BCAS3: variants seen among roughly 807,000 people sequenced by gnomAD.
The protein encoded by BCAS3 is BCAS4/BCAS3 fusion.
BCAS3 carries 53 observed loss-of-function variants against 116.1 expected under a neutral mutation model. The observed-to-expected ratio is 0.46, with a 90% CI of 0.37 to 0.57. The LOEUF (loss-of-function observed/expected upper bound fraction) is 0.57. Among genes scored for constraint, BCAS3 ranks in the 20% least tolerant of loss-of-function variants. The pLI is 0.00. For missense variants in BCAS3, 917 were observed against 1,165.4 expected (o/e 0.79, Z 3.10); for synonymous variants, 391 against 408.2 (o/e 0.96, Z 0.51).
chr17:60,713,719 A>G (rs2038205341), intron 5 of BCAS3, among the ~76,000 whole-genome samples: 2 of 152,246 alleles, frequency 1.3e-5, no homozygotes, highest in African/African-American at 4.8e-5. Context: ...ATATGCAAAT[A>G]CTATGCCATT....
chr17:60,845,785 CTTT>C lies in BCAS3; in HGVS notation c.477-22780_477-22778del, dbSNP rs199827244. 1.1e-3 allele frequency among the ~76,000 whole-genome samples: 165 copies of C among 144,836 alleles called. 1 individual carries two copies. Among genetic ancestry groups the C allele is most frequent in the African/African-American group, 3.9e-3 (153 of 39,610 alleles). On this transcript the variant is annotated intron_variant, in intron 7 of 23. Coordinates refer to ENST00000407086, the MANE Select transcript of BCAS3 (RefSeq NM_017679.5). Reference sequence around the variant, plus strand: ...CTTCTTTCTTTCTCTTTTCTTTTTCCTTTTTTTTTTTTTCTCTCTCTCTCTCTT... The same window carrying C: ...CTTCTTTCTTTCTCTTTTCTTTTTCCTTTTTTTTTTCTCTCTCTCTCTCTT...
chr17:60,747,124 A>C (rs1018010926), intron 5 of BCAS3, 74 bp from the exon 6 acceptor site: 4 of 973,568 alleles, frequency 4.1e-6, no homozygotes, highest in Non-Finnish European at 6.3e-6. Flanking sequence ...AAAATTTAGA[A>C]GATCTTGTTT....
intron 5 of BCAS3, among the ~76,000 whole-genome samples, chr17:60,728,098 C>T (rs1026118414): frequency 5.3e-5 from 8 of 152,000 alleles, no homozygotes; most frequent in African/African-American, 1.2e-4. Context: ...TGTGAGCCAC[C>T]GTACCCGGCC....
Position 61,034,880 on chromosome 17 carries a change from AC to A in BCAS3, c.1762+93del. On this transcript the variant is annotated intron_variant, in intron 17 of 23. Transcript: ENST00000407086. This position sits in a 1 kb window ranked among gnomAD's most constrained non-coding sequence, Gnocchi z 5.0. ...AGCAGTTTCCCTAGAATAATCTTGT[AC>A]CCAGTAGTCTGGAAACCAATTTTTT... 1 of 1,317,200 alleles carries A rather than the reference AC, an allele frequency of 7.6e-7. No individual in the cohort carries two copies. Among genetic ancestry groups the A allele is most frequent in the Non-Finnish European group, 1.0e-6 (1 of 963,596 alleles). 81.6% of individuals were successfully genotyped at this position (1,317,200 alleles called of 1,614,324 possible). A position where few individuals can be genotyped will look rare whatever the true frequency, so the allele number is the denominator to read the frequency against.
chr17:60,754,635 T>G (rs746445903), intron 6 of BCAS3, among the ~76,000 whole-genome samples: 39 of 152,026 alleles, frequency 2.6e-4, no homozygotes, highest in Non-Finnish European at 5.3e-4. Context: ...GACAATCATT[T>G]TGGCCTTGAA....
intron 14 of BCAS3, among the ~76,000 whole-genome samples, chr17:60,987,296 T>C (rs1454225744): frequency 6.6e-6 from 1 of 151,786 alleles, no homozygotes; most frequent in Non-Finnish European, 1.5e-5. Context: ...TTTTTTCTTT[T>C]TGCTCAGGAT....
intron 22 of BCAS3, among the ~76,000 whole-genome samples, chr17:61,263,066 T>C (rs914800368): frequency 1.3e-5 from 2 of 152,180 alleles, no homozygotes; most frequent in African/African-American, 4.8e-5. Context: ...CAGATGAACA[T>C]CCTAAGAAGT....
At chr17:60,752,976 C>T (rs1268465416) in intron 6 of BCAS3, among the ~76,000 whole-genome samples, 3 of 152,042 alleles carry the variant, frequency 2.0e-5, no homozygotes, top group Admixed American at 6.6e-5. Flanking sequence ...TCCTGAATAC[C>T]TAGGACTACA....
chr17:61,236,150 C>T (rs1568634306), intron 22 of BCAS3, among the ~76,000 whole-genome samples: 1 of 152,094 alleles, frequency 6.6e-6, no homozygotes, highest in Non-Finnish European at 1.5e-5. Context: ...CAGAAAAGTG[C>T]CAGCTATCAT....
At chr17:61,288,203 G>A (rs1363352647) in intron 22 of BCAS3, among the ~76,000 whole-genome samples, 2 of 152,222 alleles carry the variant, frequency 1.3e-5, no homozygotes, top group Non-Finnish European at 2.9e-5. Flanking sequence ...TACATGGGCT[G>A]TGGGGAGGGA....
intron 7 of BCAS3, among the ~76,000 whole-genome samples, chr17:60,809,713 G>T (rs574426193): frequency 1.3e-5 from 2 of 152,320 alleles, no homozygotes; most frequent in African/African-American, 4.8e-5. Context: ...GTTAGCTGAG[G>T]CTTCATGCAT....
In BCAS3 at chr17:60,999,043, C is replaced by G. The variant is rs2064037761; in HGVS notation, c.1486+8808C>G. Among the ~76,000 whole-genome samples the G allele has an allele frequency of 1.3e-5, 2 of 152,140 alleles. 1 individual carries two copies. Among genetic ancestry groups the G allele is most frequent in the South Asian group, 4.1e-4 (2 of 4,834 alleles). On this transcript the variant is annotated intron_variant, in intron 15 of 23. Coordinates refer to ENST00000407086, the MANE Select transcript of BCAS3 (RefSeq NM_017679.5). ...AATTCTTCTGTGTGTATATAGTTAG[C>G]CAGTTTCTCCACATCATTTATTGAA...
intron 22 of BCAS3, among the ~76,000 whole-genome samples, chr17:61,342,435 C>T (rs1364524312): frequency 1.3e-5 from 2 of 151,928 alleles, no homozygotes; most frequent in Non-Finnish European, 2.9e-5. Flanking sequence ...CATGAGCCAC[C>T]GTGCCCAGCC....
rs1431620369 is a variant in BCAS3, at chr17:60,868,548, ACATTTTTCTTT to A, written c.477-26_477-16del. The A allele has an allele frequency of 7.1e-7, 1 of 1,411,910 alleles. No individual in the cohort carries two copies. Among genetic ancestry groups the A allele is most frequent in the Non-Finnish European group, 9.6e-7 (1 of 1,045,122 alleles). 87.5% of individuals were successfully genotyped at this position (1,411,910 alleles called of 1,614,324 possible). A position where few individuals can be genotyped will look rare whatever the true frequency, so the allele number is the denominator to read the frequency against. ...TTGGTCTTTCTTTTTTAAAAAAATG[ACATTTTTCTTT>A]CTTTTTTCTTTTTTAGCACAAGCCC... On this transcript the variant is annotated splice_polypyrimidine_tract_variant and intron_variant, in intron 7 of 23. Coordinates refer to ENST00000407086, the MANE Select transcript of BCAS3 (RefSeq NM_017679.5).
intron 7 of BCAS3, among the ~76,000 whole-genome samples, chr17:60,837,241 G>A (rs181970894): frequency 9.8e-4 from 149 of 152,262 alleles, no homozygotes; most frequent in Non-Finnish European, 1.8e-3. Context: ...TGGCAAACTA[G>A]CTGTCCTAAA....
At chr17:60,939,015 A>T (rs1030925781) in intron 13 of BCAS3, among the ~76,000 whole-genome samples, 3 of 152,226 alleles carry the variant, frequency 2.0e-5, no homozygotes, top group African/African-American at 7.2e-5. Context: ...GCAGTTTCTT[A>T]TAAATATTTA....
chr17:60,805,851 G>GC (rs1346264176), intron 6 of BCAS3, among the ~76,000 whole-genome samples: 2 of 146,352 alleles, frequency 1.4e-5, no homozygotes, highest in African/African-American at 2.6e-5. Context: ...AAGTGACTCA[G>GC]CCTAAGTTTT....
chr17:60,901,466 A>T (rs2057890879), intron 10 of BCAS3, among the ~76,000 whole-genome samples: 1 of 152,198 alleles, frequency 6.6e-6, no homozygotes. Flanking sequence ...ATTGTACTCT[A>T]TGTGAAACCA....
At chr17:61,045,637 G>A (rs2067985554) in intron 19 of BCAS3, among the ~76,000 whole-genome samples, 1 of 148,452 alleles carries the variant, frequency 6.7e-6, no homozygotes. Flanking sequence ...CCAACATGAC[G>A]AAACCCCATC....
Sources: allele counts gnomAD v4.1 joint callset (sites outside exome capture counted in the v4.1 genomes callset), GRCh38; gene constraint gnomAD v4.1.1; non-coding constraint Gnocchi (gnomAD v3.1); transcripts MANE v1.5; gene names NCBI Gene and HGNC (gene_info 2026-07-23, HGNC 2026-07-21).